VEGFD: variants seen among roughly 807,000 people sequenced by gnomAD.
VEGFD encodes vascular endothelial growth factor D.
VEGFD carries 26 observed loss-of-function variants against 28.0 expected under a neutral mutation model. The observed-to-expected ratio is 0.93, with a 90% CI of 0.68 to 1.29. The LOEUF (loss-of-function observed/expected upper bound fraction) is 1.29. Among genes scored for constraint, VEGFD ranks in the 50% most tolerant of loss-of-function variants. The pLI, the probability that VEGFD is intolerant of heterozygous loss-of-function variation, is 0.00. For synonymous variants in VEGFD, 93 were observed against 95.5 expected (o/e 0.97, Z 0.15); for missense variants, 294 against 273.4 (o/e 1.08, Z -0.53).
chrX:15,382,699 G>A (rs748016983), intron 1 of VEGFD, among the ~76,000 whole-genome samples: 1 of 111,191 alleles, frequency 9.0e-6, no homozygotes, highest in African/African-American at 3.3e-5. Context: ...GTAAAATGGA[G>A]CCAAACACTG....
At chrX:15,366,684 G>A (rs150021290) in intron 1 of VEGFD, among the ~76,000 whole-genome samples, 178 of 111,725 alleles carry the variant, frequency 1.6e-3, no homozygotes, top group Middle Eastern at 9.3e-3. Flanking sequence ...CCTTTGCCCC[G>A]TTAAGTAATT....
chrX:15,360,880 T>C (rs1263245073), intron 2 of VEGFD, among the ~76,000 whole-genome samples: 1 of 112,375 alleles, frequency 8.9e-6, no homozygotes, highest in Non-Finnish European at 1.9e-5. Context: ...AGTTTTGAAA[T>C]TGGAGTGGTA....
chrX:15,351,150 C>G (rs1443513254), intron 5 of VEGFD, among the ~76,000 whole-genome samples: 1 of 89,812 alleles, frequency 1.1e-5, no homozygotes, highest in African/African-American at 4.1e-5. Flanking sequence ...GAGTCTCGCT[C>G]TGTTGCCCAG....
At chrX:15,367,154 T>A (rs1357218788) in intron 1 of VEGFD, among the ~76,000 whole-genome samples, 1 of 111,943 alleles carries the variant, frequency 8.9e-6, no homozygotes, top group Non-Finnish European at 1.9e-5. Context: ...GTGGATGTAG[T>A]GTGACTAGAT....
At position 15,347,264 on chromosome X, in the gene VEGFD, C is replaced by T; in HGVS notation, c.838G>A (p.Asp280Asn). ...ECVCKTPCPK[D>N]LIQHPKNCSC... The stretch of plus-strand genomic sequence containing the variant: ...CAGTTTTTGGGGTGCTGGATTAGAT[C>T]TTTGGGACATGGTGTTTTACAGACA... Residue 280 changes from aspartate to asparagine, a missense_variant, in exon 6 of 7, where the codon GAT becomes AAT. Asp to Asn is a conservative substitution (Grantham distance 23). Coordinates refer to ENST00000297904, the MANE Select transcript of VEGFD (RefSeq NM_004469.5). 2 of 1,211,499 alleles carry T rather than the reference C, an allele frequency of 1.7e-6. No homozygotes were observed. The highest frequency in any genetic ancestry group is 2.2e-6 in the Non-Finnish European group (2 of 895,318).
At chrX:15,368,083 A>AAAGG (rs1569186730) in intron 1 of VEGFD, among the ~76,000 whole-genome samples, 3 of 99,364 alleles carry the variant, frequency 3.0e-5, no homozygotes, top group African/African-American at 1.1e-4. Flanking sequence ...AGAAAGAAAG[A>AAAGG]AAAGAAAGAA....
At chrX:15,381,832 G>A (rs1923580192) in intron 1 of VEGFD, among the ~76,000 whole-genome samples, 1 of 31,884 alleles carries the variant, frequency 3.1e-5, no homozygotes, top group East Asian at 2.9e-3. Context: ...TATAAGTTCA[G>A]TATATGTAGC....
rs774994295 is a variant in VEGFD, at chrX:15,382,319, C to CAAATAAAT, written c.90+1530_90+1537dup. 9.4e-4 allele frequency among the ~76,000 whole-genome samples: 90 copies of CAAATAAAT among 95,430 alleles called. 2 individuals carry two copies. The highest frequency in any genetic ancestry group is 9.4e-4 in the Non-Finnish European group (46 of 48,892). 82.9% of individuals were successfully genotyped at this position (95,430 alleles called of 115,157 possible). A position where few individuals can be genotyped will look rare whatever the true frequency, so the allele number is the denominator to read the frequency against. On this transcript the variant is annotated intron_variant, in intron 1 of 6. Coordinates refer to ENST00000297904, the MANE Select transcript of VEGFD (RefSeq NM_004469.5). ...TGGGTGACAGAGTGAGACTCCGTCT[C>CAAATAAAT]AAATAAATAAATAAATAAATAAATA...
rs781436858 is a variant in VEGFD, at chrX:15,350,453, A to T, written c.742+2615T>A. On this transcript the variant is annotated intron_variant, in intron 5 of 6. Coordinates refer to ENST00000297904, the MANE Select transcript of VEGFD (RefSeq NM_004469.5). ...ATCCCCTCTCCAAGGCAGCCAATGA[A>T]CGGTCTACAGGGCTCAGCCTCTTCA... 2.7e-5 allele frequency among the ~76,000 whole-genome samples: 3 copies of T among 112,809 alleles called. No individual in the cohort carries two copies. The South Asian group carries it at 1.1e-3, about 41-fold the overall frequency.
intron 1 of VEGFD, among the ~76,000 whole-genome samples, chrX:15,373,802 G>C (rs1363381952): frequency 9.0e-6 from 1 of 111,379 alleles, no homozygotes; most frequent in East Asian, 2.8e-4. Flanking sequence ...TTCACTGGAA[G>C]AGCATTTTGC....
chrX:15,363,050 A>G (rs1796124839), intron 2 of VEGFD, 59 bp downstream of exon 2: 1 of 1,075,559 alleles, frequency 9.3e-7, no homozygotes, highest in Non-Finnish European at 1.3e-6. Context: ...GGAGAAAGTA[A>G]GTGTGTTTGT....
intron 1 of VEGFD, among the ~76,000 whole-genome samples, chrX:15,382,116 C>T (rs778797552): frequency 3.6e-5 from 4 of 111,074 alleles, no homozygotes; most frequent in South Asian, 3.8e-4. Context: ...GTCAGGAGAT[C>T]GAGACCATCC....
intron 1 of VEGFD, among the ~76,000 whole-genome samples, chrX:15,376,399 A>G (rs1419952331): frequency 8.9e-6 from 1 of 112,161 alleles, no homozygotes; most frequent in Non-Finnish European, 1.9e-5. Flanking sequence ...ACTTGGAGAC[A>G]TAAGTGAGAA....
chrX:15,350,787 CTTTCT>C lies in VEGFD; in HGVS notation c.742+2276_742+2280del, dbSNP rs565802253. 1.8e-4 allele frequency among the ~76,000 whole-genome samples: 17 copies of C among 95,854 alleles called. No homozygotes were observed. In the East Asian group the frequency reaches 1.9e-3, roughly 11 times the overall value. The allele number at this position is 95,854 out of a possible 115,157, so 83.2% of individuals were successfully genotyped here. A position where few individuals can be genotyped will look rare whatever the true frequency, so the allele number is the denominator to read the frequency against. On this transcript the variant is annotated intron_variant, in intron 5 of 6. Coordinates refer to ENST00000297904, the MANE Select transcript of VEGFD (RefSeq NM_004469.5). ...TTCTTTTCTTTCTTTCTTTCTCTCT[CTTTCT>C]TTTCTTTTCTTTCTTTCTTTCTCTC... is the stretch of plus-strand genomic sequence containing the variant.
intron 1 of VEGFD, among the ~76,000 whole-genome samples, chrX:15,378,927 C>A (rs184372686): frequency 9.0e-6 from 1 of 111,177 alleles, no homozygotes; most frequent in Admixed American, 9.6e-5. Flanking sequence ...AACAACTGCA[C>A]TTCTGGCCTC....
In VEGFD at chrX:15,347,268, G is replaced by T. The variant is rs368069978; in HGVS notation, c.834C>A (p.Pro278=). The T allele has an allele frequency of 8.3e-7, 1 of 1,209,661 alleles. No individual in the cohort carries two copies. The highest frequency in any genetic ancestry group is 1.7e-5 in the African/African-American group (1 of 57,158). Residue 278 remains proline, a synonymous_variant, in exon 6 of 7, where the codon CCC becomes CCA. Coordinates refer to ENST00000297904, the MANE Select transcript of VEGFD (RefSeq NM_004469.5). ...TTTTGGGGTGCTGGATTAGATCTTTGGGACATGGTGTTTTACAGACACACT... is the reference window on the plus strand; with the variant it reads ...TTTTGGGGTGCTGGATTAGATCTTTTGGACATGGTGTTTTACAGACACACT... The part of the protein sequence containing the change: ...RCECVCKTPC[P]KDLIQHPKNC...
intron 5 of VEGFD, among the ~76,000 whole-genome samples, chrX:15,349,143 G>T (rs1298668067): frequency 1.8e-5 from 2 of 112,762 alleles, no homozygotes; most frequent in African/African-American, 6.4e-5. Flanking sequence ...TGCCAGTGAG[G>T]CAGATGCCGC....
chrX:15,375,446 C>T (rs7886538), intron 1 of VEGFD, among the ~76,000 whole-genome samples: 5,605 of 111,592 alleles, frequency 0.05, 137 homozygotes, highest in South Asian at 0.1. Flanking sequence ...ATAATTATTG[C>T]TGTAGCTATG....
At chrX:15,348,463 C>A (rs758670569) in intron 5 of VEGFD, among the ~76,000 whole-genome samples, 1 of 112,489 alleles carries the variant, frequency 8.9e-6, no homozygotes, top group Non-Finnish European at 1.9e-5. Context: ...ACAATAAAAA[C>A]CAATTTTCCC....
Sources: gnomAD v4.1 joint callset for allele counts (sites outside exome capture counted in the v4.1 genomes callset) on GRCh38, gnomAD v4.1.1 for gene constraint, MANE v1.5 for transcripts, NCBI Gene and HGNC (gene_info 2026-07-23, HGNC 2026-07-21) for gene names.